Variants in HORMAD1 observed in about 807,000 individuals in gnomAD.
HORMAD1 encodes the protein HORMA domain containing 1.
A neutral mutation model predicts 58.2 loss-of-function variants in HORMAD1; 33 were observed. The ratio of observed to expected loss-of-function variants is 0.57; its 90% CI spans 0.43 to 0.76. The LOEUF is 0.76. Ranked by LOEUF, HORMAD1 falls within the 30% of genes least tolerant of loss-of-function variation. HORMAD1 has a pLI of 0.00. For missense variants in HORMAD1, 363 were observed against 462.0 expected (o/e 0.79, Z 1.96); for synonymous variants, 137 against 144.6 (o/e 0.95, Z 0.38).
intron 5 of HORMAD1, among the ~76,000 whole-genome samples, chr1:150,713,332 T>C (rs1651958422): frequency 6.6e-6 from 1 of 152,186 alleles, no homozygotes; most frequent in Non-Finnish European, 1.5e-5. Flanking sequence ...GCTTACCCAG[T>C]TCCTACCTAG....
chr1:150,717,367 A>G (rs1652112631), intron 2 of HORMAD1, 85 bp from the exon 3 acceptor site: 1 of 825,858 alleles, frequency 1.2e-6, no homozygotes, highest in Admixed American at 2.9e-5. Flanking sequence ...CCAATTTTGT[A>G]TAATCATAGT....
chr1:150,711,494 T>C (rs1651902546), intron 7 of HORMAD1, 51 bp downstream of exon 7: 1 of 1,269,382 alleles, frequency 7.9e-7, no homozygotes, highest in Non-Finnish European at 1.1e-6. Context: ...TTTCGTGTTA[T>C]TTTTAGATAT....
At chr1:150,718,344 A>AT (rs34258924) in intron 2 of HORMAD1, among the ~76,000 whole-genome samples, 10,811 of 125,832 alleles carry the variant, frequency 0.086, 647 homozygotes, top group East Asian at 0.2. Context: ...TGCCTGGCTA[A>AT]TTTTTTTTTT....
At position 150,706,584 on chromosome 1, in the gene HORMAD1, T is replaced by A; in HGVS notation, c.773A>T (p.Asp258Val). The A allele has an allele frequency of 6.2e-7, 1 of 1,610,138 alleles. No individual in the cohort carries two copies. Among genetic ancestry groups the A allele is most frequent in the African/African-American group, 1.3e-5 (1 of 74,950 alleles). The part of the protein sequence containing the change: ...TPFQKILRDK[D>V]VEDEQEHYTS... ...ATAATGCTCCTGTTCATCTTCTACATCTTTGTCCCTCAGGATTTTTTGAAA... is the reference window on the plus strand; with the variant it reads ...ATAATGCTCCTGTTCATCTTCTACAACTTTGTCCCTCAGGATTTTTTGAAA... Residue 258 changes from aspartate (D) to valine (V), a missense_variant, in exon 10 of 15, where the codon GAT (aspartate) becomes GTT (valine). Transcript: ENST00000361824.
At chr1:150,720,699 A>G (rs587736801) in intron 1 of HORMAD1, 105 bp downstream of exon 1, 3 of 152,400 alleles carry the variant, frequency 2.0e-5, no homozygotes, top group South Asian at 4.1e-4. Context: ...TTTTACCACT[A>G]AGACCTTAAG....
At chr1:150,701,641 T>C (rs1350455752) in intron 13 of HORMAD1, among the ~76,000 whole-genome samples, 1 of 152,184 alleles carries the variant, frequency 6.6e-6, no homozygotes, top group Non-Finnish European at 1.5e-5. Context: ...ATATTTTATA[T>C]ATTTTACAGA....
In HORMAD1 at chr1:150,720,862, G is replaced by T. The variant is rs905782189; in HGVS notation, c.-92C>A. On this transcript the variant is annotated 5_prime_UTR_variant, in exon 1 of 15. Coordinates refer to ENST00000361824, the MANE Select transcript of HORMAD1 (RefSeq NM_032132.5). ...AGAGCTGCACGAGGCTGCACGCGCT[G>T]TGCCCGACGCGCATGCGCTTTCCTT... 2.0e-5 allele frequency: 3 copies of T among 152,260 alleles called. No individual in the cohort carries two copies. Among genetic ancestry groups the T allele is most frequent in the Admixed American group, 1.3e-4 (2 of 15,282 alleles). 9.4% of individuals were successfully genotyped at this position (152,260 alleles called of 1,614,324 possible). A position where few individuals can be genotyped will look rare whatever the true frequency, so the allele number is the denominator to read the frequency against.
In HORMAD1 at chr1:150,708,274, G is replaced by A; in HGVS notation, c.529C>T (p.Leu177Phe). 1 of 1,601,134 alleles carries A rather than the reference G, an allele frequency of 6.2e-7. No individual in the cohort carries two copies. Among genetic ancestry groups the A allele is most frequent in the Non-Finnish European group, 8.5e-7 (1 of 1,174,306 alleles). Reference protein sequence around the residue: ...LPNDVCLTMKLFYYDEVTPPD... With the variant: ...LPNDVCLTMKFFYYDEVTPPD... Reference sequence around the variant, plus strand: ...ATAGTACCTTCATCATAGTAAAAAAGTTTCATGGTCAAACAAACATCATTA... The same window carrying A: ...ATAGTACCTTCATCATAGTAAAAAAATTTCATGGTCAAACAAACATCATTA... The change falls in exon 9 of 15, where the codon CTT becomes TTT. Residue 177 changes from leucine to phenylalanine, a missense_variant. Physicochemically the swap from Leu to Phe is conservative, Grantham distance 22. Around this residue, in one of 3 missense-constraint regions of HORMAD1, gnomAD observed 226 missense variants for 257.8 expected, o/e 0.88. Coordinates refer to ENST00000361824, the MANE Select transcript of HORMAD1 (RefSeq NM_032132.5).
At chr1:150,703,282 T>G (rs1290967903) in intron 13 of HORMAD1, 28 bp downstream of exon 13, 2 of 1,226,572 alleles carry the variant, frequency 1.6e-6, no homozygotes, top group Admixed American at 4.0e-5. Context: ...AAGGTTACAA[T>G]GGAAAACAAA....
intron 7 of HORMAD1, 40 bp downstream of exon 7, chr1:150,711,505 T>TA: frequency 7.2e-7 from 1 of 1,397,946 alleles, no homozygotes; most frequent in Non-Finnish European, 1.0e-6. Flanking sequence ...TTTTAGATAT[T>TA]AGAGGCATTA....
At chr1:150,713,069 T>A (rs957038314) in intron 5 of HORMAD1, among the ~76,000 whole-genome samples, 14 of 152,164 alleles carry the variant, frequency 9.2e-5, no homozygotes, top group African/African-American at 3.4e-4. Context: ...CATTTGCTGC[T>A]CTGCCAGGAG....
intron 5 of HORMAD1, among the ~76,000 whole-genome samples, chr1:150,712,814 T>C (rs1651942347): frequency 6.6e-6 from 1 of 152,232 alleles, no homozygotes; most frequent in Non-Finnish European, 1.5e-5. Flanking sequence ...CCCAAGGTGC[T>C]AGGATTACAG....
intron 5 of HORMAD1, 145 bp from the exon 6 acceptor site, chr1:150,711,998 C>T: frequency 1.6e-6 from 1 of 631,906 alleles, no homozygotes; most frequent in Non-Finnish European, 2.8e-6. Context: ...AAGATCAATG[C>T]CTATAATGCA....
At chr1:150,699,681 C>T (rs932058942) in intron 14 of HORMAD1, among the ~76,000 whole-genome samples, 8 of 146,930 alleles carry the variant, frequency 5.4e-5, no homozygotes, top group Middle Eastern at 6.8e-3. Flanking sequence ...TGCGCCACCA[C>T]GCCCAGCTAT....
chr1:150,715,738 T>G (rs587772244), intron 3 of HORMAD1, among the ~76,000 whole-genome samples: 18 of 152,076 alleles, frequency 1.2e-4, no homozygotes, highest in Admixed American at 8.5e-4. Context: ...CCTGGCTGTA[T>G]TATTTTTACT....
Position 150,698,199 on chromosome 1 carries a change from A to G in HORMAD1, c.*455T>C, listed in dbSNP as rs587750552. 1.3e-5 allele frequency: 2 copies of G among 152,478 alleles called. No homozygotes were observed. Among genetic ancestry groups the G allele is most frequent in the South Asian group, 4.1e-4 (2 of 4,826 alleles). The allele number at this position is 152,478 out of a possible 1,614,324, so 9.4% of individuals were successfully genotyped here. A position where few individuals can be genotyped will look rare whatever the true frequency, so the allele number is the denominator to read the frequency against. ...ACATTATATATTAAAATGTTAATAC[A>G]TTATGTCAAAATATTGAAGAACATT... On this transcript the variant is annotated 3_prime_UTR_variant, in exon 15 of 15. Transcript: ENST00000361824.
chr1:150,711,473 C>T, intron 7 of HORMAD1, 72 bp downstream of exon 7: 1 of 1,006,558 alleles, frequency 9.9e-7, no homozygotes, highest in Non-Finnish European at 1.6e-6. Context: ...ATAAGATATT[C>T]TTATATTATG....
At chr1:150,708,830 C>A in intron 8 of HORMAD1, 64 bp downstream of exon 8, 2 of 845,456 alleles carry the variant, frequency 2.4e-6, no homozygotes. Context: ...TGAGGTTTAG[C>A]TATATAGCAT....
chr1:150,701,066 C>A (rs1651521673), intron 13 of HORMAD1, among the ~76,000 whole-genome samples: 1 of 152,014 alleles, frequency 6.6e-6, no homozygotes, highest in African/African-American at 2.4e-5. Context: ...TCATTTCTTG[C>A]CCTTTTCTAA....
Sources: allele counts gnomAD v4.1 joint callset (sites outside exome capture counted in the v4.1 genomes callset), GRCh38; gene constraint gnomAD v4.1.1; regional missense constraint gnomAD v4.1.1; transcripts MANE v1.5; gene names NCBI Gene and HGNC (gene_info 2026-07-23, HGNC 2026-07-21).